Variants in ZFYVE16 observed in about 807,000 individuals in gnomAD.
ZFYVE16 encodes zinc finger FYVE domain-containing protein 16.
ZFYVE16 carries 89 observed loss-of-function variants against 138.1 expected under a neutral mutation model. The ratio of observed to expected loss-of-function variants is 0.64; its 90% confidence interval spans 0.54 to 0.77. The LOEUF (loss-of-function observed/expected upper bound fraction) is 0.77, where lower values mean the gene tolerates loss of function less well. Among genes scored for constraint, ZFYVE16 ranks in the 30% least tolerant of loss-of-function variants. ZFYVE16 has a pLI of 0.00. For missense variants in ZFYVE16, 1,793 were observed against 1,786.7 expected (o/e 1.00, Z -0.06); for synonymous variants, 596 against 618.3 (o/e 0.96, Z 0.53).
intron 1 of ZFYVE16, among the ~76,000 whole-genome samples, chr5:80,414,635 G>T (rs1209982813): frequency 6.6e-6 from 1 of 152,124 alleles, no homozygotes; most frequent in African/African-American, 2.4e-5. Context: ...CATTTTATGT[G>T]CCGGGCACTG....
chr5:80,419,816 TGTTTTA>T (rs1478779342), intron 1 of ZFYVE16, among the ~76,000 whole-genome samples: 1 of 152,000 alleles, frequency 6.6e-6, no homozygotes, highest in Non-Finnish European at 1.5e-5. Flanking sequence ...TTTTTTGTTT[TGTTTTA>T]TTTTTTTGAG....
At chr5:80,473,689 C>G (rs921962570) in intron 16 of ZFYVE16, 65 bp from the exon 17 acceptor site, 2 of 1,172,420 alleles carry the variant, frequency 1.7e-6, no homozygotes, top group African/African-American at 3.1e-5. Context: ...TTGTTCAAAT[C>G]TAATAATTCA....
intron 15 of ZFYVE16, among the ~76,000 whole-genome samples, chr5:80,466,570 T>C (rs249024): frequency 0.78 from 118,107 of 152,126 alleles, 49,029 homozygotes; most frequent in East Asian, 0.92. Context: ...TTATACCCTT[T>C]GTCTAGTAAG....
intron 17 of ZFYVE16, 89 bp downstream of exon 17, chr5:80,473,948 T>A (rs1754640528): frequency 1.1e-6 from 1 of 898,306 alleles, no homozygotes; most frequent in Non-Finnish European, 1.7e-6. Context: ...TCTAAATATT[T>A]ATGCATAGCT....
At chr5:80,432,148 CAA>C (rs1462544609) in intron 2 of ZFYVE16, among the ~76,000 whole-genome samples, 1 of 152,150 alleles carries the variant, frequency 6.6e-6, no homozygotes, top group Non-Finnish European at 1.5e-5. Context: ...GCCAAAAAAA[CAA>C]AGCTGGAGGC....
rs1340935077 is a variant in ZFYVE16 at position 80,479,074 on chromosome 5, C to A, written c.*1697C>A. The A allele has an allele frequency of 1.3e-5, 2 of 152,066 alleles. No homozygotes were observed. The highest frequency in any genetic ancestry group is 3.8e-4 in the East Asian group (2 of 5,200). The allele number at this position is 152,066 out of a possible 1,614,324, so 9.4% of individuals were successfully genotyped here. ...GATGGGACAGCTTTGGATTTGTTTTCATAAAATCTCTATATTCAATAAAAA... is the reference window on the plus strand; with the variant it reads ...GATGGGACAGCTTTGGATTTGTTTTAATAAAATCTCTATATTCAATAAAAA... On this transcript the variant is annotated 3_prime_UTR_variant, in exon 19 of 19. Transcript: ENST00000505560.
chr5:80,449,760 C>T (rs770776164), intron 9 of ZFYVE16, 47 bp downstream of exon 9: 1 of 1,526,618 alleles, frequency 6.6e-7, no homozygotes, highest in Non-Finnish European at 8.8e-7. Flanking sequence ...AGCAGGATTT[C>T]TGAATTAATT....
Position 80,408,373 on chromosome 5 carries a change from G to A in ZFYVE16, c.-94+220G>A, listed in dbSNP as rs552886913. Among the ~76,000 whole-genome samples the A allele has an allele frequency of 5.9e-5, 9 of 152,366 alleles. No homozygotes were observed. The South Asian group carries it at 1.4e-3, about 25-fold the overall frequency. Reference sequence around the variant, plus strand: ...GATGTCCCCTCCTGGAGCCTGAAGGGCCAGACCGGACTGGACCGGGAGGGC... The same window carrying A: ...GATGTCCCCTCCTGGAGCCTGAAGGACCAGACCGGACTGGACCGGGAGGGC... On this transcript the variant is annotated intron_variant, in intron 1 of 18. Coordinates refer to ENST00000505560, the MANE Select transcript of ZFYVE16 (RefSeq NM_001284236.3).
rs772357004 is a variant in ZFYVE16, at chr5:80,437,612, T to TG, written c.928dup (p.Glu310GlyfsTer7). 1.1e-5 allele frequency: 17 copies of TG among 1,612,500 alleles called. No homozygotes were observed. The highest frequency in any genetic ancestry group is 8.5e-7 in the Non-Finnish European group (1 of 1,179,546). ...CTTTGACCTGCAGCCTTCCGAAAAA[T>TG]GAAGATTTATGCTTAAATGATTCAA... is the stretch of plus-strand genomic sequence containing the variant. On this transcript the variant is annotated frameshift_variant, in exon 4 of 19. Transcript: ENST00000505560. LOFTEE classifies it high-confidence loss of function.
At chr5:80,433,242 G>A (rs937298073) in intron 2 of ZFYVE16, among the ~76,000 whole-genome samples, 2 of 152,286 alleles carry the variant, frequency 1.3e-5, no homozygotes, top group African/African-American at 2.4e-5. Context: ...ATACACCATG[G>A]AATACTATGC....
intron 15 of ZFYVE16, among the ~76,000 whole-genome samples, chr5:80,466,118 G>T (rs1753727503): frequency 6.6e-6 from 1 of 151,808 alleles, no homozygotes; most frequent in Non-Finnish European, 1.5e-5. Flanking sequence ...TAGAGACAGG[G>T]TTTCACCATG....
intron 1 of ZFYVE16, among the ~76,000 whole-genome samples, chr5:80,424,095 G>A (rs1250679122): frequency 6.6e-6 from 1 of 151,286 alleles, no homozygotes; most frequent in Non-Finnish European, 1.5e-5. Context: ...ACAGGTGCCT[G>A]CCACCATGCC....
At chr5:80,423,343 TG>T (rs1369913977) in intron 1 of ZFYVE16, among the ~76,000 whole-genome samples, 19 of 152,148 alleles carry the variant, frequency 1.2e-4, no homozygotes, top group Non-Finnish European at 2.6e-4. Context: ...TTATCTTTTT[TG>T]TATCCGTGGC....
intron 15 of ZFYVE16, among the ~76,000 whole-genome samples, chr5:80,465,916 A>G (rs1328190761): frequency 6.6e-6 from 1 of 150,764 alleles, no homozygotes; most frequent in African/African-American, 2.4e-5. Flanking sequence ...TTCATTATGC[A>G]TATATTGGTA....
At chr5:80,431,108 T>TA (rs1348382164) in intron 2 of ZFYVE16, among the ~76,000 whole-genome samples, 2 of 152,196 alleles carry the variant, frequency 1.3e-5, no homozygotes, top group Non-Finnish European at 2.9e-5. Context: ...ATCATCCTGA[T>TA]ACCAAAGCCT....
At chr5:80,469,267 T>C (rs62365313) in intron 15 of ZFYVE16, among the ~76,000 whole-genome samples, 4,414 of 152,118 alleles carry the variant, frequency 0.029, 105 homozygotes, top group East Asian at 0.064. Flanking sequence ...CACACCTGGC[T>C]ATTTTTTTGT....
At position 80,456,527 on chromosome 5, in the gene ZFYVE16, A is replaced by G; in HGVS notation, c.3757A>G (p.Lys1253Glu). The G allele has an allele frequency of 6.2e-7, 1 of 1,613,186 alleles. No homozygotes were observed. The highest frequency in any genetic ancestry group is 8.5e-7 in the Non-Finnish European group (1 of 1,179,512). ...DQLLIHMEMG[K>E]SCIKIPRKKY... ...ACTGTTGATTCATATGGAAATGGGA[A>G]AAAGCTGCATAAAAATACCACGGAA... Residue 1253 changes from lysine (K) to glutamate (E), a missense_variant, in exon 13 of 19, where the codon AAA (lysine) becomes GAA (glutamate). Physicochemically the swap from Lys to Glu is moderately conservative, Grantham distance 56. Around this residue, in one of 2 missense-constraint regions of ZFYVE16, gnomAD observed 498 missense variants for 582.4 expected, o/e 0.86. Coordinates refer to ENST00000505560, the MANE Select transcript of ZFYVE16 (RefSeq NM_001284236.3).
intron 1 of ZFYVE16, among the ~76,000 whole-genome samples, chr5:80,409,277 A>C (rs1745087167): frequency 6.6e-6 from 1 of 152,240 alleles, no homozygotes. Context: ...ATACATGAGC[A>C]AAGTATCTTT....
intron 1 of ZFYVE16, among the ~76,000 whole-genome samples, chr5:80,424,275 C>T (rs1459757376): frequency 6.6e-6 from 1 of 152,156 alleles, no homozygotes; most frequent in Non-Finnish European, 1.5e-5. Context: ...CACTGCAGCT[C>T]ACAAGCCTTG....
Sources: allele counts gnomAD v4.1 joint callset (sites outside exome capture counted in the v4.1 genomes callset), GRCh38; gene constraint gnomAD v4.1.1; regional missense constraint gnomAD v4.1.1; transcripts MANE v1.5; gene names NCBI Gene and HGNC (gene_info 2026-07-23, HGNC 2026-07-21).